Variants in MDGA2 observed in about 807,000 individuals in gnomAD.
MDGA2 encodes MAM domain containing glycosylphosphatidylinositol anchor 2.
MDGA2 carries 40 observed loss-of-function variants against 117.8 expected under a neutral mutation model. The ratio of observed to expected loss-of-function variants is 0.34; its 90% CI spans 0.26 to 0.44. The LOEUF (loss-of-function observed/expected upper bound fraction) is 0.44, where lower values mean the gene tolerates loss of function less well. MDGA2 is among the 20% of genes least tolerant of loss of function. The probability of loss-of-function intolerance (pLI) is 1.00; values close to 1 mark genes in which losing one functional copy is unlikely to be tolerated. For missense variants in MDGA2, 1,123 were observed against 1,250.6 expected (o/e 0.90, Z 1.54); for synonymous variants, 452 against 439.0 (o/e 1.03, Z -0.37).
At chr14:47,090,325 A>G (rs1349180153) in intron 6 of MDGA2, among the ~76,000 whole-genome samples, 1 of 152,014 alleles carries the variant, frequency 6.6e-6, no homozygotes, top group African/African-American at 2.4e-5. Flanking sequence ...GGTTAACTCT[A>G]TTTCAATATT....
intron 1 of MDGA2, among the ~76,000 whole-genome samples, chr14:47,390,880 T>C (rs1281774437): frequency 2.0e-5 from 3 of 152,138 alleles, no homozygotes; most frequent in African/African-American, 7.2e-5. Flanking sequence ...TTGATATCCT[T>C]GGCTGAATTC....
intron 2 of MDGA2, among the ~76,000 whole-genome samples, chr14:47,259,801 A>AC (rs1394752966): frequency 6.6e-6 from 1 of 152,064 alleles, no homozygotes; most frequent in Non-Finnish European, 1.5e-5. Context: ...GTAGAGAGGG[A>AC]CCCAGGGGCT....
At chr14:47,195,654 T>C (rs569877637) in intron 3 of MDGA2, among the ~76,000 whole-genome samples, 1 of 152,224 alleles carries the variant, frequency 6.6e-6, no homozygotes, top group East Asian at 1.9e-4. Context: ...TTGTGTATCT[T>C]AAATAGAAAT....
chr14:47,204,370 A>G lies in MDGA2; in HGVS notation c.595+13651T>C, dbSNP rs538232937. Among the ~76,000 whole-genome samples the G allele has an allele frequency of 2.4e-3, 364 of 152,170 alleles. 11 individuals are homozygous for G. Among genetic ancestry groups the G allele is most frequent in the South Asian group, 5.2e-3 (25 of 4,826 alleles). ...TTGATTTATGCATATATGTCTTTCA[A>G]GTAAAATAAAACACAAATTCAATGG... On this transcript the variant is annotated intron_variant, in intron 3 of 16. Transcript: ENST00000399232.
At chr14:47,479,364 A>G (rs1386578808) in intron 1 of MDGA2, among the ~76,000 whole-genome samples, 6 of 150,976 alleles carry the variant, frequency 4.0e-5, no homozygotes. Flanking sequence ...TTGGCATCTA[A>G]CCTTACTAAA....
intron 6 of MDGA2, among the ~76,000 whole-genome samples, chr14:47,062,188 T>C (rs569760495): frequency 6.6e-6 from 1 of 152,228 alleles, no homozygotes; most frequent in South Asian, 2.1e-4. Flanking sequence ...ACATTTACTA[T>C]GAACTTTTCT....
chr14:46,932,210 A>G (rs984301567), intron 9 of MDGA2, among the ~76,000 whole-genome samples: 3 of 152,106 alleles, frequency 2.0e-5, no homozygotes, highest in African/African-American at 7.2e-5. Context: ...AAAGAACGAT[A>G]GTAATTAAAA....
intron 1 of MDGA2, among the ~76,000 whole-genome samples, chr14:47,639,248 T>C (rs952762045): frequency 6.6e-6 from 1 of 152,190 alleles, no homozygotes. Context: ...GTAAGCTCCA[T>C]GTGAACAGCG....
intron 1 of MDGA2, among the ~76,000 whole-genome samples, chr14:47,331,663 T>C (rs1205420945): frequency 6.6e-6 from 1 of 151,876 alleles, no homozygotes; most frequent in Non-Finnish European, 1.5e-5. Context: ...CATTGCTTGG[T>C]TTTTGCTTCC....
chr14:46,979,420 T>A (rs886116302), intron 8 of MDGA2, among the ~76,000 whole-genome samples: 2 of 152,068 alleles, frequency 1.3e-5, no homozygotes, highest in African/African-American at 4.8e-5. Context: ...TCACTTTAAA[T>A]CAAAAGATTA....
chr14:47,565,447 G>T (rs988017067), intron 1 of MDGA2, among the ~76,000 whole-genome samples: 4 of 152,108 alleles, frequency 2.6e-5, no homozygotes. Flanking sequence ...TTAACTTTGG[G>T]GGGCTGTTAT....
intron 8 of MDGA2, among the ~76,000 whole-genome samples, chr14:46,986,695 T>A (rs140789384): frequency 6.6e-6 from 1 of 152,188 alleles, no homozygotes; most frequent in Non-Finnish European, 1.5e-5. Context: ...TAGCATGCTG[T>A]CTTATAAACA....
chr14:47,230,859 C>A (rs1886666114), intron 2 of MDGA2, among the ~76,000 whole-genome samples: 1 of 151,780 alleles, frequency 6.6e-6, no homozygotes, highest in Non-Finnish European at 1.5e-5. Flanking sequence ...AATTTAGGAC[C>A]AATGAATCAG....
chr14:47,547,982 C>G (rs1895496855), intron 1 of MDGA2, among the ~76,000 whole-genome samples: 1 of 152,174 alleles, frequency 6.6e-6, no homozygotes, highest in Non-Finnish European at 1.5e-5. Flanking sequence ...CTGCTTTCTG[C>G]TATTATTGTC....
At chr14:46,986,893 C>T (rs940799489) in intron 8 of MDGA2, among the ~76,000 whole-genome samples, 2 of 152,076 alleles carry the variant, frequency 1.3e-5, no homozygotes, top group Non-Finnish European at 2.9e-5. Context: ...TATTGATTTT[C>T]ATGACCATTC....
intron 5 of MDGA2, among the ~76,000 whole-genome samples, chr14:47,115,672 A>G (rs1881289532): frequency 6.6e-6 from 1 of 152,054 alleles, no homozygotes; most frequent in Admixed American, 6.6e-5. Context: ...TTAGTAGAAT[A>G]AAGGATAAAA....
intron 1 of MDGA2, among the ~76,000 whole-genome samples, chr14:47,388,644 T>A (rs1424419083): frequency 6.6e-6 from 1 of 152,184 alleles, no homozygotes; most frequent in Non-Finnish European, 1.5e-5. Context: ...CCAAGTAGCA[T>A]CTTGAACAGA....
chr14:47,289,541 G>C (rs1888809345), intron 2 of MDGA2, among the ~76,000 whole-genome samples: 1 of 151,850 alleles, frequency 6.6e-6, no homozygotes, highest in Non-Finnish European at 1.5e-5. Context: ...ATGTCAATAA[G>C]AGTCTTCAAA....
intron 9 of MDGA2, among the ~76,000 whole-genome samples, chr14:46,941,676 T>C (rs1885005774): frequency 6.6e-6 from 1 of 151,892 alleles, no homozygotes; most frequent in African/African-American, 2.4e-5. Flanking sequence ...AAGAGGTAAA[T>C]AGGCCCTTAA....
Sources: allele counts gnomAD v4.1 joint callset (sites outside exome capture counted in the v4.1 genomes callset), GRCh38; gene constraint gnomAD v4.1.1; transcripts MANE v1.5; gene names NCBI Gene and HGNC (gene_info 2026-07-23, HGNC 2026-07-21).